The following WDPCP variants were observed in gnomAD, a reference collection of about 807,000 sequenced individuals.
WDPCP encodes the protein WD repeat-containing and planar cell polarity effector protein fritz homolog.
WDPCP carries 71 observed loss-of-function variants against 93.1 expected under a neutral mutation model. That is an observed-to-expected ratio of 0.76 (90% CI 0.63 to 0.93). The LOEUF (loss-of-function observed/expected upper bound fraction) is 0.93. WDPCP is among the 40% of genes least tolerant of loss of function. WDPCP has a pLI of 0.00. For synonymous variants in WDPCP, 315 were observed against 315.0 expected (o/e 1.00, Z 0.00); for missense variants, 844 against 887.4 (o/e 0.95, Z 0.62).
At chr2:63,256,056 T>A (rs1342341630) in intron 14 of WDPCP, among the ~76,000 whole-genome samples, 1 of 152,176 alleles carries the variant, frequency 6.6e-6, no homozygotes, top group Admixed American at 6.6e-5. Flanking sequence ...GAGGGATAGA[T>A]CATATTCATG....
intron 2 of WDPCP, among the ~76,000 whole-genome samples, chr2:63,677,740 A>G (rs991618698): frequency 2.0e-5 from 3 of 152,284 alleles, no homozygotes; most frequent in African/African-American, 7.2e-5. Context: ...GTAAAATAAG[A>G]GCATTTTCAG....
intron 15 of WDPCP, among the ~76,000 whole-genome samples, chr2:63,169,370 C>T (rs1673216980): frequency 6.6e-6 from 1 of 152,180 alleles, no homozygotes; most frequent in Admixed American, 6.5e-5. Flanking sequence ...TTTTTGAAAA[C>T]TGTAGTTCTG....
intron 2 of WDPCP, among the ~76,000 whole-genome samples, chr2:63,715,472 C>T (rs894347685): frequency 2.6e-5 from 4 of 152,184 alleles, no homozygotes; most frequent in African/African-American, 9.7e-5. Flanking sequence ...CTACCTGTAA[C>T]ATGCCAGCTT....
intron 2 of WDPCP, among the ~76,000 whole-genome samples, chr2:63,715,651 T>C (rs1669326706): frequency 1.3e-5 from 2 of 152,218 alleles, no homozygotes; most frequent in South Asian, 4.1e-4. Flanking sequence ...AGAAAAATGG[T>C]ATATTTGTTT....
intron 2 of WDPCP, among the ~76,000 whole-genome samples, chr2:63,669,516 T>G (rs1231973679): frequency 6.6e-6 from 1 of 151,918 alleles, no homozygotes; most frequent in Non-Finnish European, 1.5e-5. Flanking sequence ...CGTGCCACCA[T>G]GCCCAGCTAA....
intron 2 of WDPCP, among the ~76,000 whole-genome samples, chr2:63,759,851 C>G (rs750181076): frequency 1.3e-5 from 2 of 152,258 alleles, no homozygotes; most frequent in South Asian, 2.1e-4. Flanking sequence ...GAGGCTCATT[C>G]AGCCAAGTTC....
At chr2:63,569,469 G>A (rs1402623720) in intron 1 of WDPCP, among the ~76,000 whole-genome samples, 1 of 151,856 alleles carries the variant, frequency 6.6e-6, no homozygotes, top group Non-Finnish European at 1.5e-5. Context: ...GCTATACTAT[G>A]TCACCAATGC....
chr2:63,526,529 T>TA (rs902003494), intron 1 of WDPCP, among the ~76,000 whole-genome samples: 3 of 152,214 alleles, frequency 2.0e-5, no homozygotes, highest in Non-Finnish European at 2.9e-5. Flanking sequence ...TGCCATGACC[T>TA]ACCTTTCCAA....
At position 63,550,224 on chromosome 2, in the gene WDPCP, CA is replaced by C. The variant is rs1558793235; in HGVS notation, c.75+37972del. ...ACACACACACACACACACACACACA[CA>C]CACACACACACACACCCTTCCTCTA... is the stretch of plus-strand genomic sequence containing the variant. On this transcript the variant is annotated intron_variant, in intron 1 of 17. Transcript: ENST00000272321. 2.7e-3 allele frequency among the ~76,000 whole-genome samples: 413 copies of C among 151,280 alleles called. 2 individuals carry two copies. The highest frequency in any genetic ancestry group is 4.8e-3 in the South Asian group (23 of 4,794).
At chr2:63,612,536 C>T (rs1193277765) in intron 3 of WDPCP, among the ~76,000 whole-genome samples, 2 of 152,140 alleles carry the variant, frequency 1.3e-5, no homozygotes, top group Non-Finnish European at 2.9e-5. Flanking sequence ...AGTTTCATGA[C>T]CATGAAGAAG....
chr2:63,482,317 G>C (rs912458656), intron 6 of WDPCP, among the ~76,000 whole-genome samples: 21 of 151,960 alleles, frequency 1.4e-4, no homozygotes, highest in Non-Finnish European at 7.4e-5. Context: ...GTCCAAACAT[G>C]TTAGCATGAA....
intron 3 of WDPCP, among the ~76,000 whole-genome samples, chr2:63,618,064 G>T (rs915383008): frequency 1.6e-4 from 24 of 152,082 alleles, no homozygotes; most frequent in Non-Finnish European, 5.9e-5. Context: ...AATGCATTTT[G>T]CATTTCAATT....
chr2:63,445,118 A>G (rs865857482), intron 6 of WDPCP, among the ~76,000 whole-genome samples: 6 of 152,148 alleles, frequency 3.9e-5, no homozygotes, highest in Non-Finnish European at 7.4e-5. Context: ...AACAAAACAT[A>G]AATAACATCT....
At chr2:63,456,948 G>A (rs1398062887) in intron 6 of WDPCP, among the ~76,000 whole-genome samples, 1 of 151,878 alleles carries the variant, frequency 6.6e-6, no homozygotes, top group Non-Finnish European at 1.5e-5. Context: ...GGAGGTGGAG[G>A]TTGCAGTGAG....
chr2:63,385,766 G>C (rs1217304596), intron 10 of WDPCP, among the ~76,000 whole-genome samples: 1 of 151,836 alleles, frequency 6.6e-6, no homozygotes, highest in Non-Finnish European at 1.5e-5. Context: ...AACTTATATA[G>C]ACATGGAAAG....
chr2:63,581,165 G>A lies in WDPCP; in HGVS notation c.75+7032C>T, dbSNP rs1708471706. 2.0e-5 allele frequency among the ~76,000 whole-genome samples: 3 copies of A among 152,306 alleles called. No individual in the cohort carries two copies. In the East Asian group the frequency reaches 5.8e-4, roughly 29 times the overall value. On this transcript the variant is annotated intron_variant, in intron 1 of 17. Transcript: ENST00000272321. ...AGAAGGCATACAAAGCTGTCTTAGA[G>A]CTTAGTTCCATAAGACATATTTCCA...
At chr2:63,203,131 A>G (rs1676049777) in intron 14 of WDPCP, among the ~76,000 whole-genome samples, 1 of 152,306 alleles carries the variant, frequency 6.6e-6, no homozygotes, top group Non-Finnish European at 1.5e-5. Context: ...CAGTTGCTTT[A>G]TATAATACCC....
At chr2:63,275,757 A>G (rs1346441441) in intron 13 of WDPCP, among the ~76,000 whole-genome samples, 2 of 152,228 alleles carry the variant, frequency 1.3e-5, no homozygotes, top group Non-Finnish European at 2.9e-5. Context: ...ATGGAAAGAC[A>G]TCCCATACTC....
chr2:63,181,971 G>C (rs1674278816), intron 14 of WDPCP, among the ~76,000 whole-genome samples: 2 of 151,730 alleles, frequency 1.3e-5, no homozygotes, highest in Non-Finnish European at 2.9e-5. Flanking sequence ...TTCTCAGTTT[G>C]TTGTTGATGT....
Sources: gnomAD v4.1 joint callset for allele counts (sites outside exome capture counted in the v4.1 genomes callset) on GRCh38, gnomAD v4.1.1 for gene constraint, MANE v1.5 for transcripts, NCBI Gene and HGNC (gene_info 2026-07-23, HGNC 2026-07-21) for gene names.